Variants in ALG13 observed in about 807,000 individuals in gnomAD.
The protein encoded by ALG13 is UDP-N-acetylglucosamine transferase subunit ALG13.
In ALG13, 11 loss-of-function variants were observed where a neutral mutation model predicts 87.8. The ratio of observed to expected loss-of-function variants is 0.13; its 90% confidence interval spans 0.08 to 0.21. The LOEUF (loss-of-function observed/expected upper bound fraction) is 0.21, where lower values mean the gene tolerates loss of function less well. ALG13 is among the 10% of genes least tolerant of loss of function. The pLI is 1.00. For synonymous variants in ALG13, 320 were observed against 306.3 expected, an observed-to-expected ratio of 1.04 and a Z score of -0.47; for missense variants, 756 against 866.1, an observed-to-expected ratio of 0.87 and a Z score of 1.60.
Position 111,712,464 on chromosome X carries a change from A to T in ALG13, c.886-20A>T. On this transcript the variant is annotated intron_variant, in intron 6 of 26. Coordinates refer to ENST00000394780, the MANE Select transcript of ALG13 (RefSeq NM_001099922.3). ...AGCTACAGAATGTTTTTTAAAACTC[A>T]ATACACTATTTATGTTTAGGAAAGT... is the stretch of plus-strand genomic sequence containing the variant. 5 of 1,132,766 alleles carry T rather than the reference A, an allele frequency of 4.4e-6. No homozygotes were observed. The Middle Eastern group carries it at 1.2e-3, about 281-fold the overall frequency. The allele number at this position is 1,132,766 out of a possible 1,213,427, so 93.4% of individuals were successfully genotyped here.
intron 21 of ALG13, chrX:111,734,316 T>C (rs1943020984): frequency 8.9e-6 from 1 of 112,809 alleles, no homozygotes; most frequent in Non-Finnish European, 1.9e-5. Context: ...TAGAAGCATT[T>C]GGTATTCACT....
chrX:111,754,247 T>C (rs1481989651), intron 25 of ALG13, among the ~76,000 whole-genome samples: 1 of 111,631 alleles, frequency 9.0e-6, no homozygotes, highest in Non-Finnish European at 1.9e-5. Context: ...AAACTCTCTA[T>C]AAACTAGGTA....
chrX:111,731,688 T>C (rs1205649969), intron 21 of ALG13, among the ~76,000 whole-genome samples: 1 of 112,487 alleles, frequency 8.9e-6, no homozygotes, highest in Non-Finnish European at 1.9e-5. Context: ...ATTAATTTAT[T>C]CTGCTTCTGT....
At chrX:111,728,669 G>A (rs180676049) in intron 19 of ALG13, among the ~76,000 whole-genome samples, 16 of 110,845 alleles carry the variant, frequency 1.4e-4, no homozygotes, top group African/African-American at 4.9e-4. Flanking sequence ...TCGTGTGACT[G>A]GCTATTATTT....
intron 24 of ALG13, among the ~76,000 whole-genome samples, chrX:111,745,553 C>A (rs189747149): frequency 1.8e-5 from 2 of 109,802 alleles, no homozygotes; most frequent in Non-Finnish European, 3.8e-5. Context: ...TTTTCCAACC[C>A]CTAATCACCA....
At chrX:111,696,266 C>T (rs1026156241) in intron 3 of ALG13, among the ~76,000 whole-genome samples, 1 of 111,410 alleles carries the variant, frequency 9.0e-6, no homozygotes, top group Non-Finnish European at 1.9e-5. Context: ...AAGGTGTTAT[C>T]AATATTTTAA....
intron 11 of ALG13, 48 bp downstream of exon 11, chrX:111,720,218 C>A: frequency 2.2e-6 from 2 of 924,060 alleles, no homozygotes; most frequent in Non-Finnish European, 3.0e-6. Context: ...TGGCTTGCAG[C>A]ATCATGACTT....
At chrX:111,749,031 C>T (rs1045239072) in intron 24 of ALG13, among the ~76,000 whole-genome samples, 9 of 110,536 alleles carry the variant, frequency 8.1e-5, no homozygotes, top group African/African-American at 1.3e-4. Flanking sequence ...TGTACTGAGC[C>T]GAGATCATGC....
In ALG13 at chrX:111,688,438, A is replaced by C; in HGVS notation, c.383+3335A>C. 3 of 748,766 alleles carry C rather than the reference A, an allele frequency of 4.0e-6. No individual in the cohort carries two copies. The South Asian group carries it at 2.0e-4, about 51-fold the overall frequency. 61.7% of individuals were successfully genotyped at this position (748,766 alleles called of 1,213,427 possible). ...TAATCTAAGGAACCAAATTTAAAAAATGATGGATTATGCTCTGTGAAATGA... is the reference window on the plus strand; with the variant it reads ...TAATCTAAGGAACCAAATTTAAAAACTGATGGATTATGCTCTGTGAAATGA... On this transcript the variant is annotated intron_variant, in intron 3 of 26. Transcript: ENST00000394780.
chrX:111,691,285 G>C (rs1936102605), intron 3 of ALG13, among the ~76,000 whole-genome samples: 1 of 110,187 alleles, frequency 9.1e-6, no homozygotes, highest in Non-Finnish European at 1.9e-5. Context: ...ATTTTTAGTA[G>C]AGACTGGGTT....
At chrX:111,726,669 C>T in intron 15 of ALG13, 140 bp from the exon 16 acceptor site, 1 of 689,679 alleles carries the variant, frequency 1.4e-6, no homozygotes. Flanking sequence ...TTCAAAAATA[C>T]AAAAATTCCC....
At chrX:111,737,076 G>T (rs781488523) in intron 23 of ALG13, 197 bp downstream of exon 23, 3 of 346,498 alleles carry the variant, frequency 8.7e-6, no homozygotes, top group East Asian at 9.7e-5. Context: ...TGAAAATTTC[G>T]TGCTGGTAAG....
chrX:111,739,015 A>G (rs999852348), intron 23 of ALG13, among the ~76,000 whole-genome samples: 1 of 112,077 alleles, frequency 8.9e-6, no homozygotes, highest in Non-Finnish European at 1.9e-5. Flanking sequence ...TAATTTAGAA[A>G]ACTTTGCTGA....
chrX:111,695,381 G>A (rs1348045254), intron 3 of ALG13, among the ~76,000 whole-genome samples: 2 of 110,689 alleles, frequency 1.8e-5, no homozygotes, highest in African/African-American at 3.3e-5. Context: ...AAACTAGCCC[G>A]GCTTGGTGGC....
At chrX:111,726,689 T>G (rs778527891) in intron 15 of ALG13, 120 bp from the exon 16 acceptor site, 6 of 783,755 alleles carry the variant, frequency 7.7e-6, no homozygotes, top group Non-Finnish European at 5.6e-6. Context: ...CTCCCTATGT[T>G]TATTTGGTTT....
chrX:111,711,818 CA>C, intron 6 of ALG13, 93 bp downstream of exon 6: 35 of 886,060 alleles, frequency 4.0e-5, no homozygotes, highest in Non-Finnish European at 5.5e-5. Context: ...AGCCAGACCC[CA>C]AATATTTTAT....
chrX:111,691,848 T>C (rs1364583876), intron 3 of ALG13, among the ~76,000 whole-genome samples: 1 of 112,592 alleles, frequency 8.9e-6, no homozygotes, highest in Non-Finnish European at 1.9e-5. Flanking sequence ...GTGGAGAAAC[T>C]CTTTCAATTG....
chrX:111,699,707 T>C (rs1937470991), intron 3 of ALG13, among the ~76,000 whole-genome samples: 1 of 111,626 alleles, frequency 9.0e-6, no homozygotes, highest in African/African-American at 3.3e-5. Flanking sequence ...TTTAGGTTTC[T>C]TTCTGGGCTT....
intron 24 of ALG13, among the ~76,000 whole-genome samples, chrX:111,750,825 GC>G (rs1293062675): frequency 9.3e-6 from 1 of 107,930 alleles, no homozygotes; most frequent in African/African-American, 3.4e-5. Flanking sequence ...CCGCCACCAT[GC>G]CCAGCTAATT....
Sources: gnomAD v4.1 joint callset for allele counts (sites outside exome capture counted in the v4.1 genomes callset) on GRCh38, gnomAD v4.1.1 for gene constraint, MANE v1.5 for transcripts, NCBI Gene and HGNC (gene_info 2026-07-23, HGNC 2026-07-21) for gene names.